Variants in CCSER1 observed in about 807,000 individuals in gnomAD.
CCSER1 encodes coiled-coil serine rich protein 1.
CCSER1 carries 41 observed loss-of-function variants against 82.0 expected under a neutral mutation model. That is an observed-to-expected ratio of 0.50 (90% CI 0.39 to 0.65). The LOEUF is 0.65. Ranked by LOEUF, CCSER1 falls within the 30% of genes least tolerant of loss-of-function variation. CCSER1 has a pLI of 0.00. For missense variants in CCSER1, 1,119 were observed against 1,064.2 expected (o/e 1.05, Z -0.72); for synonymous variants, 414 against 383.9 (o/e 1.08, Z -0.92).
intron 5 of CCSER1, among the ~76,000 whole-genome samples, chr4:90,554,237 G>A (rs538730193): frequency 6.6e-6 from 1 of 152,266 alleles, no homozygotes; most frequent in African/African-American, 2.4e-5. Flanking sequence ...GGTGGTATAT[G>A]CATGTTGTCC....
chr4:91,101,145 C>T (rs1002751471), intron 10 of CCSER1, among the ~76,000 whole-genome samples: 1 of 152,178 alleles, frequency 6.6e-6, no homozygotes, highest in African/African-American at 2.4e-5. Flanking sequence ...CCATTACATA[C>T]ATAGACACGC....
intron 1 of CCSER1, among the ~76,000 whole-genome samples, chr4:90,205,778 G>C (rs11728355): frequency 1.3e-5 from 2 of 151,908 alleles, no homozygotes; most frequent in Admixed American, 1.3e-4. Context: ...AATGGTACCA[G>C]CTCCTCTTTG....
chr4:90,431,230 G>C (rs2153566670), intron 4 of CCSER1, among the ~76,000 whole-genome samples: 1 of 152,172 alleles, frequency 6.6e-6, no homozygotes, highest in East Asian at 1.9e-4. Flanking sequence ...TCTCCTAACA[G>C]CTCAGTATGG....
intron 3 of CCSER1, among the ~76,000 whole-genome samples, chr4:90,381,131 A>C (rs926695462): frequency 3.9e-5 from 6 of 152,242 alleles, no homozygotes; most frequent in Non-Finnish European, 2.9e-5. Context: ...CAGTGAGGGC[A>C]GAGTGGCCAT....
At chr4:90,273,022 C>T (rs368446646) in intron 1 of CCSER1, among the ~76,000 whole-genome samples, 1 of 146,900 alleles carries the variant, frequency 6.8e-6, no homozygotes, top group African/African-American at 2.6e-5. Context: ...AACAAACAAA[C>T]AAAAAAAAAC....
intron 1 of CCSER1, among the ~76,000 whole-genome samples, chr4:90,129,218 G>A (rs980423599): frequency 1.3e-5 from 2 of 151,796 alleles, no homozygotes; most frequent in East Asian, 3.8e-4. Flanking sequence ...CAGCCTTAGG[G>A]AAAACGGATA....
chr4:91,101,270 C>T lies in CCSER1; in HGVS notation c.2217+15276C>T, dbSNP rs1725030320. Among the ~76,000 whole-genome samples the T allele has an allele frequency of 2.6e-5, 4 of 152,120 alleles. No homozygotes were observed. The South Asian group carries it at 8.3e-4, about 32-fold the overall frequency. ...CCATCATGTTTCCAAGATAGAGTTC[C>T]CCAAAAGGGACACTAATTTAAATTG... On this transcript the variant is annotated intron_variant, in intron 10 of 10. Coordinates refer to ENST00000509176, the MANE Select transcript of CCSER1 (RefSeq NM_001145065.2).
At chr4:90,931,878 T>A (rs1160460654) in intron 9 of CCSER1, among the ~76,000 whole-genome samples, 1 of 152,282 alleles carries the variant, frequency 6.6e-6, no homozygotes, top group South Asian at 2.1e-4. Flanking sequence ...ATAACTGATA[T>A]TGATTTGAGA....
chr4:91,022,232 A>G (rs1245857155), intron 9 of CCSER1, among the ~76,000 whole-genome samples: 1 of 139,496 alleles, frequency 7.2e-6, no homozygotes, highest in Non-Finnish European at 1.5e-5. Context: ...ATTCCCACCT[A>G]TGAGTGAGAA....
Position 91,507,749 on chromosome 4 carries a change from T to A in CCSER1, c.2218-90823T>A, listed in dbSNP as rs1759579799. Among the ~76,000 whole-genome samples, 3 of 151,980 alleles carry A rather than the reference T, an allele frequency of 2.0e-5. No homozygotes were observed. The South Asian group carries it at 6.2e-4, about 32-fold the overall frequency. Reference sequence around the variant, plus strand: ...TGTCCTTAGAAGCAATTTAAAAAAATTTTAATAAACTTCAATTTATTTTCT... The same window carrying A: ...TGTCCTTAGAAGCAATTTAAAAAAAATTTAATAAACTTCAATTTATTTTCT... On this transcript the variant is annotated intron_variant, in intron 10 of 10. Coordinates refer to ENST00000509176, the MANE Select transcript of CCSER1 (RefSeq NM_001145065.2).
At chr4:90,259,262 G>A (rs1231864450) in intron 1 of CCSER1, among the ~76,000 whole-genome samples, 1 of 152,040 alleles carries the variant, frequency 6.6e-6, no homozygotes, top group African/African-American at 2.4e-5. Flanking sequence ...CGTTCTTGAT[G>A]TGATTCTCAG....
intron 5 of CCSER1, among the ~76,000 whole-genome samples, chr4:90,563,585 G>A (rs1168030695): frequency 6.6e-6 from 1 of 152,004 alleles, no homozygotes; most frequent in African/African-American, 2.4e-5. Context: ...GTGTCTTCCA[G>A]GTTCATCTAT....
chr4:91,186,051 C>T (rs939919632), intron 10 of CCSER1, among the ~76,000 whole-genome samples: 4 of 152,182 alleles, frequency 2.6e-5, no homozygotes, highest in Non-Finnish European at 4.4e-5. Context: ...ATCACCCTCT[C>T]GTCTAGCTTG....
intron 1 of CCSER1, among the ~76,000 whole-genome samples, chr4:90,304,408 T>C (rs370317733): frequency 6.6e-6 from 1 of 152,130 alleles, no homozygotes; most frequent in Non-Finnish European, 1.5e-5. Context: ...CAAATGTCCA[T>C]CAATGATAGA....
intron 1 of CCSER1, among the ~76,000 whole-genome samples, chr4:90,271,182 G>T (rs1726210251): frequency 6.6e-6 from 1 of 152,068 alleles, no homozygotes; most frequent in Admixed American, 6.6e-5. Flanking sequence ...AATAGGCAAA[G>T]CTCTACTGAA....
At chr4:91,589,218 A>C (rs1371742992) in intron 10 of CCSER1, among the ~76,000 whole-genome samples, 2 of 151,828 alleles carry the variant, frequency 1.3e-5, no homozygotes, top group Non-Finnish European at 2.9e-5. Context: ...TTACTTTTAG[A>C]AGTTTCCAAG....
chr4:91,442,641 G>C (rs1755256706), intron 10 of CCSER1, among the ~76,000 whole-genome samples: 1 of 135,720 alleles, frequency 7.4e-6, no homozygotes, highest in Non-Finnish European at 1.6e-5. Flanking sequence ...TTAAACTAAA[G>C]AGCTTCTGCA....
intron 10 of CCSER1, among the ~76,000 whole-genome samples, chr4:91,442,154 A>G (rs938778597): frequency 4.0e-5 from 6 of 151,302 alleles, no homozygotes; most frequent in South Asian, 2.1e-4. Context: ...AAAAGAGCCC[A>G]CATCGCCAAG....
intron 7 of CCSER1, among the ~76,000 whole-genome samples, chr4:90,808,021 T>C (rs4561896): frequency 0.34 from 51,745 of 151,900 alleles, 9,020 homozygotes; most frequent in East Asian, 0.43. Context: ...ACCAAAACAA[T>C]ATGGTACCTG....
Sources: gnomAD v4.1 joint callset for allele counts (sites outside exome capture counted in the v4.1 genomes callset) on GRCh38, gnomAD v4.1.1 for gene constraint, MANE v1.5 for transcripts, NCBI Gene and HGNC (gene_info 2026-07-23, HGNC 2026-07-21) for gene names.